The following RNF130 variants were observed in gnomAD, a reference collection of about 807,000 sequenced individuals.
The protein encoded by RNF130 is ring finger protein 130, also known as E3 ubiquitin-protein ligase RNF130.
RNF130 carries 21 observed loss-of-function variants against 44.6 expected under a neutral mutation model. The observed-to-expected ratio is 0.47, with a 90% CI of 0.33 to 0.68. The LOEUF (loss-of-function observed/expected upper bound fraction) is 0.68, where lower values mean the gene tolerates loss of function less well. RNF130 is among the 30% of genes least tolerant of loss of function. The probability of loss-of-function intolerance (pLI) is 0.02; values close to 1 mark genes in which losing one functional copy is unlikely to be tolerated. For missense variants in RNF130, 479 were observed against 560.6 expected (o/e 0.85, Z 1.47); for synonymous variants, 214 against 210.4 (o/e 1.02, Z -0.15).
intron 5 of RNF130, 72 bp from the exon 6 acceptor site, chr5:179,970,578 G>T: frequency 1.7e-6 from 2 of 1,162,214 alleles, no homozygotes; most frequent in Non-Finnish European, 2.5e-6. Flanking sequence ...GGAAAGAAAG[G>T]GAATTTTTAG....
At chr5:179,974,990 A>G (rs1438293723) in intron 5 of RNF130, among the ~76,000 whole-genome samples, 1 of 152,236 alleles carries the variant, frequency 6.6e-6, no homozygotes, top group East Asian at 1.9e-4. Context: ...GTGTGAGTTA[A>G]GGTGTTGAAG....
In RNF130 at chr5:179,939,882, A is replaced by G. The variant is rs1755019143; in HGVS notation, c.1151-19456T>C. 9.5e-6 allele frequency: 3 copies of G among 317,254 alleles called. No individual in the cohort carries two copies. The South Asian group carries it at 9.6e-5, about 10-fold the overall frequency. 19.7% of individuals were successfully genotyped at this position (317,254 alleles called of 1,614,324 possible). Reference sequence around the variant, plus strand: ...TCATCTGAGTTATGGAGGGTGAATCAACCTCAAACGGATGTCAAAATGCAT... The same window carrying G: ...TCATCTGAGTTATGGAGGGTGAATCGACCTCAAACGGATGTCAAAATGCAT... On this transcript the variant is annotated intron_variant, in intron 7 of 7. Transcript: ENST00000522208.
chr5:180,010,601 C>A (rs529367943), intron 3 of RNF130, among the ~76,000 whole-genome samples: 9 of 152,272 alleles, frequency 5.9e-5, no homozygotes, highest in African/African-American at 9.6e-5. Context: ...CTCAAGTGAT[C>A]CACCTGCCTT....
At chr5:179,990,059 G>A (rs1763044041) in intron 3 of RNF130, among the ~76,000 whole-genome samples, 1 of 152,232 alleles carries the variant, frequency 6.6e-6, no homozygotes, top group Non-Finnish European at 1.5e-5. Context: ...TTCTCCCCAT[G>A]TGTGGAGACG....
downstream of RNF130, among the ~76,000 whole-genome samples, chr5:179,952,491 T>C (rs1215226026): frequency 2.6e-5 from 4 of 152,226 alleles, no homozygotes; most frequent in Admixed American, 6.5e-5. Context: ...CACTTCATAA[T>C]TGTTTATATG....
intron 6 of RNF130, among the ~76,000 whole-genome samples, chr5:179,969,907 C>T (rs1303801688): frequency 3.9e-5 from 6 of 152,140 alleles, no homozygotes; most frequent in Non-Finnish European, 5.9e-5. Context: ...AGGAGAATCG[C>T]TTGAACCTGG....
chr5:179,988,166 T>C (rs1052593095), intron 3 of RNF130, among the ~76,000 whole-genome samples: 3 of 152,232 alleles, frequency 2.0e-5, no homozygotes, highest in African/African-American at 7.2e-5. Flanking sequence ...GGTTCAATGT[T>C]GGTAGGTTGT....
intron 2 of RNF130, among the ~76,000 whole-genome samples, chr5:180,023,155 T>A (rs1163610908): frequency 6.6e-6 from 1 of 152,326 alleles, no homozygotes; most frequent in African/African-American, 2.4e-5. Context: ...CATGTGGCAA[T>A]ATATTAGAAT....
chr5:179,993,234 T>C (rs1351439261), intron 3 of RNF130, among the ~76,000 whole-genome samples: 2 of 152,382 alleles, frequency 1.3e-5, no homozygotes, highest in South Asian at 2.1e-4. Context: ...CTTTGGTATA[T>C]ACCCAGTAAT....
intron 7 of RNF130, among the ~76,000 whole-genome samples, chr5:179,929,143 T>C (rs993493937): frequency 5.3e-5 from 8 of 152,198 alleles, no homozygotes; most frequent in African/African-American, 1.9e-4. Flanking sequence ...TTTTTCAGTA[T>C]AGTGTGAAGT....
At chr5:179,960,321 G>A (rs893836294) in intron 8 of RNF130, among the ~76,000 whole-genome samples, 3 of 152,198 alleles carry the variant, frequency 2.0e-5, no homozygotes, top group Non-Finnish European at 2.9e-5. Flanking sequence ...AAATTTACCA[G>A]ATCTGTTTGC....
chr5:180,005,642 C>T (rs947155604), intron 3 of RNF130, among the ~76,000 whole-genome samples: 3 of 152,162 alleles, frequency 2.0e-5, no homozygotes, highest in African/African-American at 7.2e-5. Flanking sequence ...CCTGACTCTC[C>T]TTCATCTCCA....
Position 179,977,992 on chromosome 5 carries a change from C to T in RNF130, c.848+211G>A, listed in dbSNP as rs1337344508. Among the ~76,000 whole-genome samples the T allele has an allele frequency of 6.6e-6, 1 of 152,370 alleles. No homozygotes were observed. On this transcript the variant is annotated intron_variant, in intron 5 of 8. Transcript: ENST00000521389. This position sits in a 1 kb window ranked among gnomAD's most constrained non-coding sequence, Gnocchi z 4.1. Reference sequence around the variant, plus strand: ...GGCCGCGTGCCACATCGCATATTGGCTACACCTCGGAAGGCCGTGCAGCCC... The same window carrying T: ...GGCCGCGTGCCACATCGCATATTGGTTACACCTCGGAAGGCCGTGCAGCCC...
intron 3 of RNF130, among the ~76,000 whole-genome samples, chr5:179,981,304 G>A (rs941777231): frequency 3.3e-5 from 5 of 152,170 alleles, no homozygotes; most frequent in Admixed American, 6.5e-5. Flanking sequence ...GCACATCAGG[G>A]AGACGTCACT....
chr5:180,047,322 G>C (rs1170084671), intron 1 of RNF130, among the ~76,000 whole-genome samples: 2 of 152,158 alleles, frequency 1.3e-5, no homozygotes, highest in Non-Finnish European at 2.9e-5. Flanking sequence ...ACTGGACTTA[G>C]GTGGAGCTTT....
chr5:180,007,780 G>A (rs913404945), intron 3 of RNF130, among the ~76,000 whole-genome samples: 3 of 152,004 alleles, frequency 2.0e-5, no homozygotes, highest in Non-Finnish European at 2.9e-5. Context: ...CATCAGCCCC[G>A]GCCCCACACT....
intron 7 of RNF130, among the ~76,000 whole-genome samples, chr5:179,928,668 A>G (rs766480813): frequency 9.0e-5 from 13 of 144,506 alleles, no homozygotes; most frequent in African/African-American, 2.8e-4. Context: ...TCGCTCTATC[A>G]CCCAGGCTGG....
At chr5:180,033,978 G>C (rs1764192777) in intron 2 of RNF130, among the ~76,000 whole-genome samples, 1 of 152,104 alleles carries the variant, frequency 6.6e-6, no homozygotes, top group African/African-American at 2.4e-5. Context: ...TCCTTGGCTT[G>C]TTCCTGATCT....
intron 7 of RNF130, among the ~76,000 whole-genome samples, chr5:179,922,221 T>G (rs1761642762): frequency 6.7e-6 from 1 of 149,498 alleles, no homozygotes; most frequent in African/African-American, 2.6e-5. Flanking sequence ...CATCTTTTCA[T>G]GGGCTTATTA....
Sources: allele counts gnomAD v4.1 joint callset (sites outside exome capture counted in the v4.1 genomes callset), GRCh38; gene constraint gnomAD v4.1.1; non-coding constraint Gnocchi (gnomAD v3.1); transcripts MANE v1.5; gene names NCBI Gene and HGNC (gene_info 2026-07-23, HGNC 2026-07-21).